The following TGM5 variants were observed in gnomAD, a reference collection of about 807,000 sequenced individuals.
TGM5 encodes the protein transglutaminase 5, also known as protein-glutamine gamma-glutamyltransferase 5.
A neutral mutation model predicts 77.2 loss-of-function variants in TGM5; 69 were observed. The ratio of observed to expected loss-of-function variants is 0.89; its 90% confidence interval spans 0.74 to 1.09. The LOEUF (loss-of-function observed/expected upper bound fraction) is 1.09, where lower values mean the gene tolerates loss of function less well. Among genes scored for constraint, TGM5 ranks in the 50% least tolerant of loss-of-function variants. TGM5 has a pLI of 0.00. For missense variants in TGM5, 842 were observed against 896.5 expected, an observed-to-expected ratio of 0.94 and a Z score of 0.78; for synonymous variants, 346 against 351.8, an observed-to-expected ratio of 0.98 and a Z score of 0.18.
chr15:43,233,792 A>C, intron 11 of TGM5, 105 bp from the exon 12 acceptor site: 1 of 1,319,982 alleles, frequency 7.6e-7, no homozygotes, highest in South Asian at 1.2e-5. Flanking sequence ...CCACCTCCAA[A>C]TATGCCACTT....
intron 6 of TGM5, among the ~76,000 whole-genome samples, chr15:43,250,922 G>A (rs756586814): frequency 3.9e-5 from 6 of 152,102 alleles, no homozygotes; most frequent in Admixed American, 6.5e-5. Context: ...CATGTTAATT[G>A]GTCTACTGTC....
Position 43,252,947 on chromosome 15 carries a change from G to A in TGM5, c.685-11C>T. On this transcript the variant is annotated splice_polypyrimidine_tract_variant and intron_variant, in intron 5 of 12. Coordinates refer to ENST00000220420, the MANE Select transcript of TGM5 (RefSeq NM_201631.4). Reference sequence around the variant, plus strand: ...ATCATTGCTGTTGATCTGAAGAGAAGCCATATAGAGAAGTGTTAGAAACAT... The same window carrying A: ...ATCATTGCTGTTGATCTGAAGAGAAACCATATAGAGAAGTGTTAGAAACAT... 6.2e-7 allele frequency: 1 copy of A among 1,612,078 alleles called. No homozygotes were observed. The highest frequency in any genetic ancestry group is 8.5e-7 in the Non-Finnish European group (1 of 1,179,962).
Position 43,260,124 on chromosome 15 carries a change from C to T in TGM5, c.364G>A (p.Asp122Asn). ...GCCGTCACAGACCCCTGGAAGGAGT[C>T]GATGTGGATTTTCAAGAGGTACCGA... Reference protein sequence around the residue: ...VGRYLLKIHIDSFQGSVTAYQ... With the variant: ...VGRYLLKIHINSFQGSVTAYQ... The change falls in exon 3 of 13, where the codon GAC becomes AAC. Residue 122 changes from aspartate (D) to asparagine (N), a missense_variant. Asp to Asn is a conservative substitution (Grantham distance 23). Around this residue, in one of 2 missense-constraint regions of TGM5, gnomAD observed 815 missense variants for 844.6 expected, o/e 0.96. Transcript: ENST00000220420. 3 of 1,614,064 alleles carry T rather than the reference C, an allele frequency of 1.9e-6. No homozygotes were observed. Among genetic ancestry groups the T allele is most frequent in the Non-Finnish European group, 2.5e-6 (3 of 1,180,000 alleles).
At chr15:43,263,552 C>T (rs1015634731) in intron 1 of TGM5, among the ~76,000 whole-genome samples, 2 of 152,180 alleles carry the variant, frequency 1.3e-5, no homozygotes, top group Non-Finnish European at 2.9e-5. Flanking sequence ...CAAGACAATT[C>T]AATGGGGGAA....
In TGM5 at chr15:43,233,205, C is replaced by CTACA. The variant is rs772349498; in HGVS notation, c.2145_2148dup (p.Asp717CysfsTer50). The stretch of plus-strand genomic sequence containing the variant: ...TGTTCCAGAATTTATAATGCAAAGT[C>CTACA]TACATAAACATTCCTGTAACCCTTA... On this transcript the variant is annotated frameshift_variant, in exon 13 of 13. Transcript: ENST00000220420. LOFTEE classifies it high-confidence loss of function. 1 of 1,614,158 alleles carries CTACA rather than the reference C, an allele frequency of 6.2e-7. No individual in the cohort carries two copies. Among genetic ancestry groups the CTACA allele is most frequent in the Non-Finnish European group, 8.5e-7 (1 of 1,180,034 alleles).
chr15:43,262,733 A>G (rs2142385928), intron 1 of TGM5, among the ~76,000 whole-genome samples: 1 of 152,316 alleles, frequency 6.6e-6, no homozygotes, highest in South Asian at 2.1e-4. Flanking sequence ...GCAGTGAGCC[A>G]AGATCGCACC....
intron 6 of TGM5, among the ~76,000 whole-genome samples, chr15:43,251,611 C>T (rs530517035): frequency 6.6e-5 from 10 of 152,272 alleles, no homozygotes; most frequent in African/African-American, 2.2e-4. Flanking sequence ...ACCTTCTGAT[C>T]GCCACCCAAA....
chr15:43,233,360 G>A lies in TGM5; in HGVS notation c.2010-16C>T. The A allele has an allele frequency of 6.2e-7, 1 of 1,613,006 alleles. No individual in the cohort carries two copies. Among genetic ancestry groups the A allele is most frequent in the Non-Finnish European group, 8.5e-7 (1 of 1,180,030 alleles). On this transcript the variant is annotated splice_polypyrimidine_tract_variant and intron_variant, in intron 12 of 12. Transcript: ENST00000220420. ...GACTCCAAGGCTGCAACAGAGAATG[G>A]AGCATGTCAGAAAACCAAAAGCATG... is the stretch of plus-strand genomic sequence containing the variant.
Position 43,239,181 on chromosome 15 carries a change from G to A in TGM5, c.1087C>T (p.Pro363Ser). 1 of 1,614,188 alleles carries A rather than the reference G, an allele frequency of 6.2e-7. No homozygotes were observed. The highest frequency in any genetic ancestry group is 8.5e-7 in the Non-Finnish European group (1 of 1,180,044). The change falls in exon 8 of 13, where the codon CCT becomes TCT. Residue 363 changes from proline (P) to serine (S), a missense_variant. Physicochemically the swap from Pro to Ser is moderately conservative, Grantham distance 74. Transcript: ENST00000220420. ...YGGWQVLDATPQEMSNGVYCC... is the reference protein window; with the variant it reads ...YGGWQVLDATSQEMSNGVYCC... Reference sequence around the variant, plus strand: ...GCCTCACCGTTGCTCATCTCCTGAGGTGTGGCGTCCAGCACCTGCCAGCCT... The same window carrying A: ...GCCTCACCGTTGCTCATCTCCTGAGATGTGGCGTCCAGCACCTGCCAGCCT...
At chr15:43,242,871 G>A (rs2042646701) in intron 6 of TGM5, among the ~76,000 whole-genome samples, 1 of 152,230 alleles carries the variant, frequency 6.6e-6, no homozygotes, top group South Asian at 2.1e-4. Flanking sequence ...AGGCAAGAGA[G>A]CAGCATTGCA....
chr15:43,247,537 G>A (rs562535363), intron 6 of TGM5: 2 of 151,128 alleles, frequency 1.3e-5, no homozygotes, highest in East Asian at 3.9e-4. Context: ...AAGGAGACAA[G>A]GACCTCAAAG....
chr15:43,234,756 G>T lies in TGM5; in HGVS notation c.1875+13C>A, dbSNP rs760654606. ...AAGGAGCCCCACAAGCCATTTGCAG[G>T]ACTCCTGCCTACATTAATCGTGATG... On this transcript the variant is annotated intron_variant, in intron 11 of 12. Coordinates refer to ENST00000220420, the MANE Select transcript of TGM5 (RefSeq NM_201631.4). 2 of 1,614,084 alleles carry T rather than the reference G, an allele frequency of 1.2e-6. No homozygotes were observed. Among genetic ancestry groups the T allele is most frequent in the Admixed American group, 1.7e-5 (1 of 60,026 alleles).
intron 9 of TGM5, among the ~76,000 whole-genome samples, chr15:43,236,705 A>G (rs1038303195): frequency 2.0e-5 from 3 of 151,968 alleles, no homozygotes; most frequent in African/African-American, 7.3e-5. Context: ...AGTGGCTCAC[A>G]CCTGTAATCC....
chr15:43,258,722 C>A (rs2042761769), intron 3 of TGM5, among the ~76,000 whole-genome samples: 1 of 152,230 alleles, frequency 6.6e-6, no homozygotes, highest in African/African-American at 2.4e-5. Context: ...TCCTGTCCTG[C>A]AGCACCACAG....
In TGM5 at chr15:43,233,207, A is replaced by C; in HGVS notation, c.2147T>G (p.Val716Gly). ...TTCCAGAATTTATAATGCAAAGTCTACATAAACATTCCTGTAACCCTTAAT... is the reference window on the plus strand; with the variant it reads ...TTCCAGAATTTATAATGCAAAGTCTCCATAAACATTCCTGTAACCCTTAAT... ...KDIKGYRNVY[V>G]DFAL Residue 716 changes from valine to glycine, a missense_variant, in exon 13 of 13, where the codon GTA (valine) becomes GGA (glycine). Around this residue, in one of 2 missense-constraint regions of TGM5, gnomAD observed 27 missense variants for 51.8 expected, o/e 0.52. Transcript: ENST00000220420. 1 of 1,614,212 alleles carries C rather than the reference A, an allele frequency of 6.2e-7. No homozygotes were observed. The highest frequency in any genetic ancestry group is 8.5e-7 in the Non-Finnish European group (1 of 1,180,038).
intron 1 of TGM5, among the ~76,000 whole-genome samples, chr15:43,263,926 T>C (rs1476289245): frequency 6.6e-6 from 1 of 152,190 alleles, no homozygotes; most frequent in Non-Finnish European, 1.5e-5. Flanking sequence ...GGCAAAGGAC[T>C]TATATCCAGA....
chr15:43,252,805 G>A lies in TGM5; in HGVS notation c.816C>T (p.Pro272=), dbSNP rs746089239. The change falls in exon 6 of 13, where the codon CCC becomes CCT. Residue 272 remains proline (P), a synonymous_variant. Coordinates refer to ENST00000220420, the MANE Select transcript of TGM5 (RefSeq NM_201631.4). The part of the protein sequence containing the change: ...LKQWNATGCQ[P]VRYGQCWVFA... ...AGACCCAGCATTGCCCGTAGCGCAC[G>A]GGCTGGCAGCCTGTGGCGTTCCACT... 2.4e-5 allele frequency: 39 copies of A among 1,613,912 alleles called. No homozygotes were observed. Among genetic ancestry groups the A allele is most frequent in the Non-Finnish European group, 2.8e-5 (33 of 1,180,018 alleles).
intron 5 of TGM5, among the ~76,000 whole-genome samples, 177 bp downstream of exon 5, chr15:43,253,329 C>T (rs561258382): frequency 2.0e-5 from 3 of 152,384 alleles, no homozygotes; most frequent in African/African-American, 7.2e-5. Context: ...TGATGACCCA[C>T]ACCCAGCTAT....
At position 43,239,204 on chromosome 15, in the gene TGM5, C is replaced by T. The variant is rs1405082462; in HGVS notation, c.1064G>A (p.Gly355Asp). 6.2e-7 allele frequency: 1 copy of T among 1,614,032 alleles called. No homozygotes were observed. The highest frequency in any genetic ancestry group is 1.3e-5 in the African/African-American group (1 of 74,898). Residue 355 changes from glycine (G) to aspartate (D), a missense_variant, in exon 8 of 13, where the codon GGC becomes GAC. By Grantham distance (94) the Gly-to-Asp change is moderately conservative. Coordinates refer to ENST00000220420, the MANE Select transcript of TGM5 (RefSeq NM_201631.4). ...ARKDLPPAYG[G>D]WQVLDATPQE... ...AGGTGTGGCGTCCAGCACCTGCCAG[C>T]CTCCATATGCAGGGGGCAGATCCTT...
Sources: allele counts gnomAD v4.1 joint callset (sites outside exome capture counted in the v4.1 genomes callset), GRCh38; gene constraint gnomAD v4.1.1; regional missense constraint gnomAD v4.1.1; transcripts MANE v1.5; gene names NCBI Gene and HGNC (gene_info 2026-07-23, HGNC 2026-07-21).